The following EPHB1 variants were observed in gnomAD, a reference collection of about 807,000 sequenced individuals.
EPHB1 encodes ephrin type-B receptor 1.
EPHB1 carries 30 observed loss-of-function variants against 94.4 expected under a neutral mutation model. That is an observed-to-expected ratio of 0.32 (90% CI 0.24 to 0.43). EPHB1 has a LOEUF of 0.43. Among genes scored for constraint, EPHB1 ranks in the 20% least tolerant of loss-of-function variants. The pLI, the probability that EPHB1 is intolerant of heterozygous loss-of-function variation, is 1.00. For missense variants in EPHB1, 1,055 were observed against 1,308.3 expected (o/e 0.81, Z 2.99); for synonymous variants, 522 against 489.1 (o/e 1.07, Z -0.89).
At chr3:134,974,992 T>A (rs539158223) in intron 3 of EPHB1, among the ~76,000 whole-genome samples, 1 of 152,174 alleles carries the variant, frequency 6.6e-6, no homozygotes, top group African/African-American at 2.4e-5. Flanking sequence ...TCCTCCCCTC[T>A]CTCCATCTCT....
chr3:134,907,662 C>A (rs2038361314), intron 1 of EPHB1, among the ~76,000 whole-genome samples: 1 of 152,010 alleles, frequency 6.6e-6, no homozygotes, highest in South Asian at 2.1e-4. Context: ...TGCCCGCCCC[C>A]TCCCCACCAA....
intron 3 of EPHB1, among the ~76,000 whole-genome samples, chr3:135,023,561 T>C (rs1294188743): frequency 6.6e-6 from 1 of 152,212 alleles, no homozygotes; most frequent in Non-Finnish European, 1.5e-5. Context: ...GCCTGACTTG[T>C]ATTTTTTTAT....
chr3:135,095,116 C>G (rs1559827528), intron 3 of EPHB1, among the ~76,000 whole-genome samples: 1 of 152,122 alleles, frequency 6.6e-6, no homozygotes, highest in Non-Finnish European at 1.5e-5. Flanking sequence ...TCCCAATATT[C>G]CCCCCAAAGT....
intron 3 of EPHB1, among the ~76,000 whole-genome samples, chr3:135,042,219 C>T (rs1208258218): frequency 6.6e-6 from 1 of 152,190 alleles, no homozygotes; most frequent in East Asian, 1.9e-4. Context: ...GTATGAGCCA[C>T]CATACCCGGC....
At chr3:135,015,239 G>A (rs1432246787) in intron 3 of EPHB1, among the ~76,000 whole-genome samples, 1 of 151,100 alleles carries the variant, frequency 6.6e-6, no homozygotes, top group Non-Finnish European at 1.5e-5. Flanking sequence ...CAGTTGTCCA[G>A]TGCCTGGTTT....
At chr3:134,985,247 G>A (rs1336453619) in intron 3 of EPHB1, among the ~76,000 whole-genome samples, 1 of 152,058 alleles carries the variant, frequency 6.6e-6, no homozygotes, top group African/African-American at 2.4e-5. Context: ...TCCACCTCCT[G>A]GTTTCAAGCA....
intron 1 of EPHB1, among the ~76,000 whole-genome samples, chr3:134,807,529 G>T (rs541682750): frequency 3.0e-5 from 2 of 65,590 alleles, no homozygotes; most frequent in Admixed American, 1.7e-4. Flanking sequence ...GTGTGTGCAC[G>T]TGTGTGTGTG....
At chr3:134,938,250 C>T (rs2039047121) in intron 2 of EPHB1, among the ~76,000 whole-genome samples, 1 of 152,178 alleles carries the variant, frequency 6.6e-6, no homozygotes, top group Non-Finnish European at 1.5e-5. Context: ...GCCTGGTACG[C>T]AATGCTGCTG....
chr3:134,829,691 G>A (rs1390844427), intron 1 of EPHB1, among the ~76,000 whole-genome samples: 4 of 152,074 alleles, frequency 2.6e-5, no homozygotes, highest in Non-Finnish European at 5.9e-5. Context: ...ACTTCAGAAC[G>A]TGCCCTTATT....
chr3:134,951,808 T>G lies in EPHB1; in HGVS notation c.561T>G (p.Leu187=). The change falls in exon 3 of 16, where the codon CTT becomes CTG. Residue 187 remains leucine, a synonymous_variant. Coordinates refer to ENST00000398015, the MANE Select transcript of EPHB1 (RefSeq NM_004441.5). This position sits in a 1 kb window ranked among gnomAD's most constrained non-coding sequence, Gnocchi z 4.5. ...ATTATGGAGCCTGTATGTCTCTTCT[T>G]TCTGTCCGTGTCTTCTTCAAAAAGT... ...FQDYGACMSL[L]SVRVFFKKCP... is the part of the protein sequence containing the mutation. 2 of 1,614,050 alleles carry G rather than the reference T, an allele frequency of 1.2e-6. No individual in the cohort carries two copies. The highest frequency in any genetic ancestry group is 1.7e-6 in the Non-Finnish European group (2 of 1,179,904).
chr3:135,051,516 T>C (rs1266977030), intron 3 of EPHB1, among the ~76,000 whole-genome samples: 1 of 152,250 alleles, frequency 6.6e-6, no homozygotes, highest in African/African-American at 2.4e-5. Context: ...CAAGCTGTCA[T>C]CCTTCTAAAT....
intron 12 of EPHB1, among the ~76,000 whole-genome samples, chr3:135,234,146 C>T (rs1488464049): frequency 1.3e-5 from 2 of 152,134 alleles, no homozygotes; most frequent in Non-Finnish European, 2.9e-5. Flanking sequence ...GCAAATTTTC[C>T]AAACTTTTAT....
chr3:134,982,415 G>A (rs1163767050), intron 3 of EPHB1, among the ~76,000 whole-genome samples: 1 of 152,190 alleles, frequency 6.6e-6, no homozygotes, highest in African/African-American at 2.4e-5. Context: ...CTTTTCACAT[G>A]GAATGCAAAT....
intron 1 of EPHB1, among the ~76,000 whole-genome samples, chr3:134,873,105 A>C (rs1441906212): frequency 6.6e-6 from 1 of 152,154 alleles, no homozygotes; most frequent in African/African-American, 2.4e-5. Context: ...ATTAAATTAG[A>C]ATTATGCCAT....
intron 3 of EPHB1, among the ~76,000 whole-genome samples, chr3:135,006,209 A>T (rs953379587): frequency 1.3e-5 from 2 of 152,242 alleles, no homozygotes; most frequent in East Asian, 3.8e-4. Flanking sequence ...GACTAATACA[A>T]GTACTAAGTG....
intron 3 of EPHB1, among the ~76,000 whole-genome samples, chr3:135,095,644 G>C (rs1018027244): frequency 2.6e-5 from 4 of 152,066 alleles, no homozygotes; most frequent in African/African-American, 9.7e-5. Flanking sequence ...CCCTCCAAGC[G>C]CTCAGCCTCC....
At chr3:135,179,219 C>T (rs1942079750) in intron 9 of EPHB1, among the ~76,000 whole-genome samples, 1 of 152,164 alleles carries the variant, frequency 6.6e-6, no homozygotes, top group South Asian at 2.1e-4. Context: ...GAGTCAATCA[C>T]CATTTTTCTT....
rs765442612 is a variant in EPHB1, at chr3:135,260,300, G to A, written c.*1180G>A. On this transcript the variant is annotated 3_prime_UTR_variant, in exon 16 of 16. Transcript: ENST00000398015. ...GTGGCATCCGAGGAATGTTTCAAATGTGTCTGTGTTTCTCTTTACATTCCT... is the reference window on the plus strand; with the variant it reads ...GTGGCATCCGAGGAATGTTTCAAATATGTCTGTGTTTCTCTTTACATTCCT... The A allele has an allele frequency of 4.3e-6, 1 of 232,854 alleles. No individual in the cohort carries two copies. Among genetic ancestry groups the A allele is most frequent in the Non-Finnish European group, 8.5e-6 (1 of 117,640 alleles). 14.4% of individuals were successfully genotyped at this position (232,854 alleles called of 1,614,324 possible).
intron 3 of EPHB1, among the ~76,000 whole-genome samples, chr3:135,006,529 G>T (rs578194180): frequency 6.6e-6 from 1 of 152,328 alleles, no homozygotes; most frequent in South Asian, 2.1e-4. Context: ...GAAATGTTTT[G>T]CCAAAGCCTA....
Sources: allele counts gnomAD v4.1 joint callset (sites outside exome capture counted in the v4.1 genomes callset), GRCh38; gene constraint gnomAD v4.1.1; non-coding constraint Gnocchi (gnomAD v3.1); transcripts MANE v1.5; gene names NCBI Gene and HGNC (gene_info 2026-07-23, HGNC 2026-07-21).